The following TMEM184B variants were observed in gnomAD, a reference collection of about 807,000 sequenced individuals.
TMEM184B encodes the protein transmembrane protein 184B.
TMEM184B carries 17 observed loss-of-function variants against 41.8 expected under a neutral mutation model. That is an observed-to-expected ratio of 0.41 (90% CI 0.28 to 0.61). The LOEUF (loss-of-function observed/expected upper bound fraction) is 0.61. TMEM184B is among the 20% of genes least tolerant of loss of function. The probability of loss-of-function intolerance (pLI) is 0.34; values close to 1 mark genes in which losing one functional copy is unlikely to be tolerated. For synonymous variants in TMEM184B, 240 were observed against 229.5 expected (o/e 1.05, Z -0.41); for missense variants, 393 against 557.8 (o/e 0.70, Z 2.98).
chr22:38,254,370 C>G (rs1218606880), intron 1 of TMEM184B, among the ~76,000 whole-genome samples: 4 of 152,010 alleles, frequency 2.6e-5, no homozygotes, highest in African/African-American at 9.7e-5. Flanking sequence ...GGGGCTGAGG[C>G]AGGTGGATCA....
chr22:38,264,706 C>T (rs1307081307), intron 1 of TMEM184B, among the ~76,000 whole-genome samples: 2 of 152,222 alleles, frequency 1.3e-5, no homozygotes, highest in Non-Finnish European at 2.9e-5. Flanking sequence ...GGACAGCCAA[C>T]TCTATGTAGA....
intron 1 of TMEM184B, among the ~76,000 whole-genome samples, chr22:38,257,692 T>C (rs1312332533): frequency 6.6e-6 from 1 of 152,218 alleles, no homozygotes; most frequent in African/African-American, 2.4e-5. Flanking sequence ...GTAGGTTTTA[T>C]TACGTACACA....
Position 38,239,243 on chromosome 22 carries a change from C to T in TMEM184B, c.358+6692G>A, listed in dbSNP as rs1303053157. On this transcript the variant is annotated intron_variant, in intron 3 of 8. Coordinates refer to ENST00000361906, the MANE Select transcript of TMEM184B (RefSeq NM_012264.5). The surrounding 1 kb of genome is among the most constrained non-coding windows in gnomAD (Gnocchi z 4.6). Reference sequence around the variant, plus strand: ...TGAATTCCAGCCCTCGCAGATGGTACGTGGCACTAAGCCCTCTTCCAAGAC... The same window carrying T: ...TGAATTCCAGCCCTCGCAGATGGTATGTGGCACTAAGCCCTCTTCCAAGAC... 5.3e-5 allele frequency among the ~76,000 whole-genome samples: 8 copies of T among 152,270 alleles called. No individual in the cohort carries two copies. Among genetic ancestry groups the T allele is most frequent in the East Asian group, 1.9e-4 (1 of 5,180 alleles).
At chr22:38,248,810 G>A (rs1366828268) in intron 1 of TMEM184B, among the ~76,000 whole-genome samples, 1 of 152,182 alleles carries the variant, frequency 6.6e-6, no homozygotes, top group Admixed American at 6.5e-5. Context: ...CCTGGAGCCA[G>A]TAAAACCACT....
At chr22:38,230,539 TG>T in intron 5 of TMEM184B, 129 bp downstream of exon 5, 1 of 830,546 alleles carries the variant, frequency 1.2e-6, no homozygotes, top group Non-Finnish European at 1.9e-6. Context: ...CTTCGGGGGG[TG>T]GGTGCTGGGG....
chr22:38,257,569 G>A (rs9610926), intron 1 of TMEM184B, among the ~76,000 whole-genome samples: 41,349 of 151,900 alleles, frequency 0.27, 6,095 homozygotes, highest in Admixed American at 0.37. Flanking sequence ...TCACGAAAGC[G>A]CACGTTCCAA....
At chr22:38,245,660 G>A (rs954368878) in intron 3 of TMEM184B, among the ~76,000 whole-genome samples, 3 of 145,200 alleles carry the variant, frequency 2.1e-5, no homozygotes, top group South Asian at 2.4e-4. Flanking sequence ...GCGAGACCCA[G>A]GTGGAGGGTC....
intron 3 of TMEM184B, among the ~76,000 whole-genome samples, chr22:38,240,732 C>CAAAAAAA (rs550793359): frequency 2.6e-4 from 17 of 66,570 alleles, no homozygotes; most frequent in African/African-American, 4.9e-4. Context: ...GAAAAAAAGG[C>CAAAAAAA]AAAAAAAAAA....
At position 38,231,437 on chromosome 22, in the gene TMEM184B, G is replaced by A. The variant is rs1222492678; in HGVS notation, c.359-103C>T. The A allele has an allele frequency of 1.0e-5, 10 of 953,090 alleles. No homozygotes were observed. In the South Asian group the frequency reaches 1.2e-4, roughly 11 times the overall value. 59.0% of individuals were successfully genotyped at this position (953,090 alleles called of 1,614,324 possible). A position where few individuals can be genotyped will look rare whatever the true frequency, so the allele number is the denominator to read the frequency against. ...GGAGGTGAAAGAGCCACAGCTGTGT[G>A]TGGCAACAGGGAGGAGGCTGGGGGA... On this transcript the variant is annotated intron_variant, in intron 3 of 8. Coordinates refer to ENST00000361906, the MANE Select transcript of TMEM184B (RefSeq NM_012264.5).
Position 38,220,388 on chromosome 22 carries a change from G to C in TMEM184B, c.*1081C>G. On this transcript the variant is annotated 3_prime_UTR_variant, in exon 9 of 9. Coordinates refer to ENST00000361906, the MANE Select transcript of TMEM184B (RefSeq NM_012264.5). The stretch of plus-strand genomic sequence containing the variant: ...CGCTTTCATATGTGACTAAGGCACA[G>C]AAGAGATGGGCCAGGGGCCAGATGG... The C allele has an allele frequency of 1.0e-6, 1 of 986,088 alleles. No homozygotes were observed. Among genetic ancestry groups the C allele is most frequent in the Non-Finnish European group, 1.2e-6 (1 of 830,100 alleles). The allele number at this position is 986,088 out of a possible 1,614,324, so 61.1% of individuals were successfully genotyped here.
At chr22:38,243,243 G>T (rs2091953885) in intron 3 of TMEM184B, among the ~76,000 whole-genome samples, 1 of 152,142 alleles carries the variant, frequency 6.6e-6, no homozygotes, top group African/African-American at 2.4e-5. Context: ...GGCAGGCGGG[G>T]CCTGAACAAA....
chr22:38,217,664 C>CA (rs780981894), downstream of TMEM184B, among the ~76,000 whole-genome samples: 2 of 140,812 alleles, frequency 1.4e-5, no homozygotes, highest in South Asian at 2.3e-4. Flanking sequence ...AAAAACAAAA[C>CA]AAAAAACAGA....
intron 1 of TMEM184B, among the ~76,000 whole-genome samples, chr22:38,256,987 T>G (rs1030459808): frequency 2.0e-5 from 3 of 150,204 alleles, no homozygotes; most frequent in Non-Finnish European, 3.0e-5. Flanking sequence ...GTTTTTTTTT[T>G]TTTTTTTTTT....
chr22:38,241,662 A>C (rs539806389), intron 3 of TMEM184B, among the ~76,000 whole-genome samples: 187 of 152,168 alleles, frequency 1.2e-3, no homozygotes, highest in African/African-American at 4.4e-3. Context: ...AGGCAGGTGG[A>C]TCACAAGATC....
Position 38,266,481 on chromosome 22 carries a change from C to T in TMEM184B, c.-59+6403G>A, listed in dbSNP as rs564254777. On this transcript the variant is annotated intron_variant, in intron 1 of 8. Transcript: ENST00000361906. ...GGGTTTCCTGACTCAATCCAGTGCC[C>T]TGTTCACCACTGCTGCAACGGTGCC... Among the ~76,000 whole-genome samples the T allele has an allele frequency of 6.6e-5, 10 of 152,356 alleles. No homozygotes were observed. In the East Asian group the frequency reaches 1.9e-3, roughly 29 times the overall value.
In TMEM184B at chr22:38,221,342, C is replaced by G. The variant is rs1212582486; in HGVS notation, c.*127G>C. 6.9e-7 allele frequency: 1 copy of G among 1,458,680 alleles called. No homozygotes were observed. Among genetic ancestry groups the G allele is most frequent in the Non-Finnish European group, 9.0e-7 (1 of 1,111,480 alleles). 90.4% of individuals were successfully genotyped at this position (1,458,680 alleles called of 1,614,324 possible). ...CTCTGGAAGTGACATGTGAGTGTTT[C>G]TGGTCCAATAAATAAAGGCGGCGTG... On this transcript the variant is annotated 3_prime_UTR_variant, in exon 9 of 9. Coordinates refer to ENST00000361906, the MANE Select transcript of TMEM184B (RefSeq NM_012264.5).
At chr22:38,253,242 A>G (rs1288488023) in intron 1 of TMEM184B, among the ~76,000 whole-genome samples, 2 of 152,168 alleles carry the variant, frequency 1.3e-5, no homozygotes, top group Admixed American at 6.5e-5. Flanking sequence ...ATTCGAGGCT[A>G]ACCTGATCAA....
At chr22:38,270,851 T>A (rs1041847335) in intron 1 of TMEM184B, among the ~76,000 whole-genome samples, 1 of 152,080 alleles carries the variant, frequency 6.6e-6, no homozygotes, top group African/African-American at 2.4e-5. Flanking sequence ...CTTCTCAGGG[T>A]GAGGGACTGG....
At chr22:38,241,911 C>G (rs574939973) in intron 3 of TMEM184B, among the ~76,000 whole-genome samples, 1 of 95,434 alleles carries the variant, frequency 1.0e-5, no homozygotes, top group Non-Finnish European at 2.1e-5. Context: ...AAAAAAAGAA[C>G]GAGACCTGTC....
Sources: allele counts gnomAD v4.1 joint callset (sites outside exome capture counted in the v4.1 genomes callset), GRCh38; gene constraint gnomAD v4.1.1; non-coding constraint Gnocchi (gnomAD v3.1); transcripts MANE v1.5; gene names NCBI Gene and HGNC (gene_info 2026-07-23, HGNC 2026-07-21).